Variants in SGCD observed in about 807,000 individuals in gnomAD.
SGCD encodes the protein sarcoglycan delta.
Under a neutral mutation model 36.6 loss-of-function variants are expected in SGCD, and 18 were observed. The observed-to-expected ratio is 0.49, with a 90% CI of 0.34 to 0.73. The LOEUF (loss-of-function observed/expected upper bound fraction) is 0.73, where lower values mean the gene tolerates loss of function less well. Ranked by LOEUF, SGCD falls within the 30% of genes least tolerant of loss-of-function variation. The probability of loss-of-function intolerance (pLI) is 0.01; values close to 1 mark genes in which losing one functional copy is unlikely to be tolerated. For synonymous variants in SGCD, 133 were observed against 130.6 expected, an observed-to-expected ratio of 1.02 and a Z score of -0.12; for missense variants, 387 against 346.7, an observed-to-expected ratio of 1.12 and a Z score of -0.92.
chr5:156,565,594 C>T (rs576368649), intron 4 of SGCD, among the ~76,000 whole-genome samples: 48 of 152,168 alleles, frequency 3.2e-4, no homozygotes, highest in Admixed American at 1.5e-3. Flanking sequence ...ATGTACAGAA[C>T]GTGCAGGTTT....
chr5:155,873,645 C>T (rs1318087967), intron 1 of SGCD, among the ~76,000 whole-genome samples: 1 of 152,118 alleles, frequency 6.6e-6, no homozygotes, highest in East Asian at 1.9e-4. Context: ...ATCCACGTAA[C>T]CAAACTGCCC....
chr5:155,836,136 G>T, the SGCD span, among the ~76,000 whole-genome samples: 1 of 152,138 alleles, frequency 6.6e-6, no homozygotes, highest in African/African-American at 2.4e-5. Context: ...CCTTCTCTGG[G>T]ACTTATTTAA....
intron 3 of SGCD, among the ~76,000 whole-genome samples, chr5:156,124,820 T>C (rs185868655): frequency 2.0e-4 from 31 of 152,094 alleles, no homozygotes; most frequent in Admixed American, 8.5e-4. Context: ...GGAGTCTGTA[T>C]TGTGAGTCAG....
chr5:156,155,632 G>A lies in SGCD; in HGVS notation c.-44+31613G>A, dbSNP rs200917489. On this transcript the variant is annotated intron_variant, in intron 3 of 9. Coordinates refer to the SGCD transcript ENST00000517913. The stretch of plus-strand genomic sequence containing the variant: ...GGCTAGGAAAAAAAAAAAAAAAAAA[G>A]AAGCACACAGGATTTACTCTGGATA... Among the ~76,000 whole-genome samples, 48 of 113,472 alleles carry A rather than the reference G, an allele frequency of 4.2e-4. 1 individual carries two copies. The highest frequency in any genetic ancestry group is 9.1e-4 in the South Asian group (3 of 3,310). The allele number at this position is 113,472 out of a possible 152,430, so 74.4% of individuals were successfully genotyped here.
intron 1 of SGCD, among the ~76,000 whole-genome samples, chr5:156,052,710 A>G (rs1759952857): frequency 6.9e-6 from 1 of 145,576 alleles, no homozygotes; most frequent in African/African-American, 2.5e-5. Flanking sequence ...TTGTTAAAGG[A>G]GTAAAAAAAA....
intron 1 of SGCD, among the ~76,000 whole-genome samples, chr5:155,960,372 C>T (rs191462975): frequency 6.6e-6 from 1 of 152,172 alleles, no homozygotes; most frequent in Non-Finnish European, 1.5e-5. Context: ...AGTAGGAGGA[C>T]GCCAATAGTC....
At chr5:156,252,424 C>G (rs970854501) in intron 3 of SGCD, among the ~76,000 whole-genome samples, 2 of 152,142 alleles carry the variant, frequency 1.3e-5, no homozygotes, top group African/African-American at 2.4e-5. Context: ...AATGGAAGTA[C>G]ACGAATCATA....
chr5:155,757,558 G>A, the SGCD span, among the ~76,000 whole-genome samples: 1 of 152,076 alleles, frequency 6.6e-6, no homozygotes. Context: ...TCGACCCAAG[G>A]GTCTCTGACA....
At chr5:156,434,513 G>A in intron 3 of SGCD, among the ~76,000 whole-genome samples, 1 of 152,174 alleles carries the variant, frequency 6.6e-6, no homozygotes, top group East Asian at 1.9e-4. Context: ...TATTTAATTA[G>A]TTTTGGTTTC....
chr5:156,382,406 G>T (rs76842748), intron 3 of SGCD, among the ~76,000 whole-genome samples: 2 of 152,126 alleles, frequency 1.3e-5, no homozygotes, highest in Non-Finnish European at 2.9e-5. Flanking sequence ...AAGCATAAGC[G>T]CCCAGAAAAT....
At chr5:156,096,495 T>G (rs1761379399) in intron 1 of SGCD, among the ~76,000 whole-genome samples, 1 of 152,202 alleles carries the variant, frequency 6.6e-6, no homozygotes, top group East Asian at 1.9e-4. Flanking sequence ...CCCTTCTAGA[T>G]GACTTGTTCC....
At chr5:156,147,491 C>T (rs1469774743) in intron 3 of SGCD, among the ~76,000 whole-genome samples, 1 of 152,182 alleles carries the variant, frequency 6.6e-6, no homozygotes, top group African/African-American at 2.4e-5. Flanking sequence ...CAGCAATAAC[C>T]ACATTTTTAA....
At chr5:156,070,988 C>T (rs1760537862) in intron 1 of SGCD, among the ~76,000 whole-genome samples, 2 of 152,114 alleles carry the variant, frequency 1.3e-5, no homozygotes, top group South Asian at 4.1e-4. Context: ...TCCCCTTTAT[C>T]ATTTTTTATT....
chr5:155,794,978 C>G, the SGCD span, among the ~76,000 whole-genome samples: 2 of 151,878 alleles, frequency 1.3e-5, no homozygotes, highest in Non-Finnish European at 2.9e-5. Flanking sequence ...TTCAAAAGTG[C>G]TACAATAATA....
At chr5:156,244,112 A>T (rs1025883617) in intron 3 of SGCD, among the ~76,000 whole-genome samples, 4 of 152,228 alleles carry the variant, frequency 2.6e-5, no homozygotes, top group African/African-American at 9.7e-5. Context: ...GGTAAAATGC[A>T]GTAAGAAGAG....
intron 1 of SGCD, among the ~76,000 whole-genome samples, chr5:155,926,087 A>G (rs922354375): frequency 3.3e-5 from 5 of 152,094 alleles, no homozygotes; most frequent in African/African-American, 1.2e-4. Flanking sequence ...GCTTGTGAGG[A>G]TATCAGTCAT....
chr5:156,607,491 A>G (rs1480104367), intron 6 of SGCD, among the ~76,000 whole-genome samples: 1 of 152,204 alleles, frequency 6.6e-6, no homozygotes, highest in East Asian at 1.9e-4. Flanking sequence ...CATCAGGGAT[A>G]TTGGTCTAAA....
intron 3 of SGCD, among the ~76,000 whole-genome samples, chr5:156,229,532 T>G (rs527979046): frequency 1.3e-5 from 2 of 151,782 alleles, no homozygotes; most frequent in Non-Finnish European, 2.9e-5. Context: ...GCTGAGAAAT[T>G]TGCTGATAAT....
intron 3 of SGCD, among the ~76,000 whole-genome samples, chr5:156,491,373 C>T (rs764840893): frequency 6.6e-6 from 1 of 152,106 alleles, no homozygotes; most frequent in Admixed American, 6.6e-5. Context: ...ACAAAAGACT[C>T]TGAATAGCCA....
Sources: allele counts gnomAD v4.1 joint callset (sites outside exome capture counted in the v4.1 genomes callset), GRCh38; gene constraint gnomAD v4.1.1; transcripts MANE v1.5; gene names NCBI Gene and HGNC (gene_info 2026-07-23, HGNC 2026-07-21).